CFAP77: variants seen among roughly 807,000 people sequenced by gnomAD.
CFAP77 encodes cilia and flagella associated protein 77, also known as cilia- and flagella-associated protein 77.
CFAP77 carries 25 observed loss-of-function variants against 31.1 expected under a neutral mutation model. The observed-to-expected ratio is 0.80, with a 90% CI of 0.59 to 1.12. CFAP77 has a LOEUF of 1.12. CFAP77 is among the 50% of genes most tolerant of loss of function. CFAP77 has a pLI of 0.00. For missense variants in CFAP77, 377 were observed against 397.3 expected (o/e 0.95, Z 0.44); for synonymous variants, 151 against 159.9 (o/e 0.94, Z 0.42).
At chr9:132,538,470 G>A (rs1014607724) in intron 4 of CFAP77, among the ~76,000 whole-genome samples, 4 of 152,218 alleles carry the variant, frequency 2.6e-5, no homozygotes, top group Non-Finnish European at 4.4e-5. Flanking sequence ...TTAATTCTTC[G>A]TTTGTGTTGT....
At position 132,458,355 on chromosome 9, in the gene CFAP77, G is replaced by GC. The variant is rs1328332754; in HGVS notation, c.196-40340_196-40339insC. ...TTGTCTCCCTGGCGGGGGAGGGGGG[G>GC]GGGTGTGTATGGAAGGCTCAGCTCA... On this transcript the variant is annotated intron_variant, in intron 1 of 5. Coordinates refer to ENST00000393216, the MANE Select transcript of CFAP77 (RefSeq NM_001282957.2). Among the ~76,000 whole-genome samples the GC allele has an allele frequency of 5.5e-4, 74 of 133,814 alleles. 1 individual carries two copies. In the East Asian group the frequency reaches 9.8e-3, roughly 18 times the overall value. 87.8% of individuals were successfully genotyped at this position (133,814 alleles called of 152,430 possible).
intron 3 of CFAP77, among the ~76,000 whole-genome samples, chr9:132,529,641 A>G (rs898278204): frequency 6.6e-6 from 1 of 151,814 alleles, no homozygotes; most frequent in African/African-American, 2.4e-5. Context: ...CCTGGCTAAC[A>G]CGGTGAAACC....
In CFAP77 at chr9:132,438,543, T is replaced by TATATATA. The variant is rs1564204145; in HGVS notation, c.195+28077_195+28078insATATATA. On this transcript the variant is annotated intron_variant, in intron 1 of 5. Transcript: ENST00000393216. ...GGTATATATATATATATATATATATTTTTTTTTTTTTTTTTAGACAGGGTC... is the reference window on the plus strand; with the variant it reads ...GGTATATATATATATATATATATATTATATATATTTTTTTTTTTTTTTAGACAGGGTC... Among the ~76,000 whole-genome samples, 250 of 88,216 alleles carry TATATATA rather than the reference T, an allele frequency of 2.8e-3. 2 individuals are homozygous for TATATATA. The highest frequency in any genetic ancestry group is 0.01 in the East Asian group (30 of 2,998). The allele number at this position is 88,216 out of a possible 152,430, so 57.9% of individuals were successfully genotyped here.
intron 1 of CFAP77, among the ~76,000 whole-genome samples, chr9:132,477,136 C>T (rs1203596685): frequency 6.6e-6 from 1 of 152,166 alleles, no homozygotes; most frequent in Non-Finnish European, 1.5e-5. Context: ...GCCTGGGAGG[C>T]ACCAACAGTG....
chr9:132,412,594 T>G (rs78761684), intron 1 of CFAP77, among the ~76,000 whole-genome samples: 10 of 151,204 alleles, frequency 6.6e-5, no homozygotes, highest in South Asian at 2.1e-4. Flanking sequence ...TTTTTTTGGG[T>G]TTTTTTGTTT....
chr9:132,428,819 C>CT (rs1453976954), intron 1 of CFAP77, among the ~76,000 whole-genome samples: 1 of 152,040 alleles, frequency 6.6e-6, no homozygotes, highest in South Asian at 2.1e-4. Flanking sequence ...AAGACCCCCC[C>CT]CTGCTCTGCG....
At chr9:132,523,663 G>A (rs1343400876) in intron 3 of CFAP77, among the ~76,000 whole-genome samples, 1 of 152,236 alleles carries the variant, frequency 6.6e-6, no homozygotes, top group Non-Finnish European at 1.5e-5. Flanking sequence ...CCTGCTCTAA[G>A]GGTTGACTTC....
intron 4 of CFAP77, among the ~76,000 whole-genome samples, chr9:132,541,541 C>G (rs1484117480): frequency 2.0e-5 from 3 of 152,130 alleles, no homozygotes; most frequent in Non-Finnish European, 2.9e-5. Context: ...CTGGCCAACA[C>G]GGCAAAACCC....
chr9:132,486,278 G>C (rs907754767), intron 1 of CFAP77, among the ~76,000 whole-genome samples: 44 of 150,420 alleles, frequency 2.9e-4, no homozygotes, highest in African/African-American at 1.0e-3. Flanking sequence ...ATTTTTAATA[G>C]AGATGGCGTT....
At chr9:132,467,244 G>A (rs1180880234) in intron 1 of CFAP77, among the ~76,000 whole-genome samples, 7 of 152,206 alleles carry the variant, frequency 4.6e-5, no homozygotes, top group South Asian at 4.2e-4. Context: ...AGGGTGTGCC[G>A]TTCCACAGTG....
rs1408282481 is a variant in CFAP77 at position 132,480,705 on chromosome 9, G to T, written c.196-17990G>T. Among the ~76,000 whole-genome samples, 1 of 152,208 alleles carries T rather than the reference G, an allele frequency of 6.6e-6. No individual in the cohort carries two copies. The highest frequency in any genetic ancestry group is 1.9e-4 in the East Asian group (1 of 5,174). The stretch of plus-strand genomic sequence containing the variant: ...CTCACGGAGGCTACAGAGTCCGGGG[G>T]CTTCTCCAAGGTGGTGACATTTCAG... On this transcript the variant is annotated intron_variant, in intron 1 of 5. Coordinates refer to ENST00000393216, the MANE Select transcript of CFAP77 (RefSeq NM_001282957.2). The surrounding 1 kb of genome is among the most constrained non-coding windows in gnomAD (Gnocchi z 5.8).
intron 3 of CFAP77, among the ~76,000 whole-genome samples, chr9:132,516,077 C>A (rs773435931): frequency 3.4e-4 from 51 of 152,140 alleles, no homozygotes; most frequent in Non-Finnish European, 6.6e-4. Context: ...GGGGCACATA[C>A]CTGGTCTAAA....
intron 5 of CFAP77, among the ~76,000 whole-genome samples, chr9:132,556,832 C>T (rs181598260): frequency 2.6e-5 from 4 of 152,364 alleles, no homozygotes; most frequent in Admixed American, 2.6e-4. Context: ...GGCGCGCTAA[C>T]GATTCCCCAG....
chr9:132,496,503 G>A (rs867686511), intron 1 of CFAP77, among the ~76,000 whole-genome samples: 4 of 152,104 alleles, frequency 2.6e-5, no homozygotes, highest in Admixed American at 2.0e-4. Context: ...CATTCCATCC[G>A]ACCTGTCCCC....
At chr9:132,559,346 C>CAAAAGAAAAAAAAAAAAAAA (rs1852958057) in intron 5 of CFAP77, among the ~76,000 whole-genome samples, 1 of 56,082 alleles carries the variant, frequency 1.8e-5, no homozygotes, top group Non-Finnish European at 3.2e-5. Flanking sequence ...CTCTGTCTTG[C>CAAAAGAAAAAAAAAAAAAAA]AAAAAAAAAA....
intron 1 of CFAP77, among the ~76,000 whole-genome samples, chr9:132,485,656 T>G (rs2118917368): frequency 6.6e-6 from 1 of 152,192 alleles, no homozygotes; most frequent in East Asian, 1.9e-4. Context: ...CCCCACACAG[T>G]GGATAACCCA....
In CFAP77 at chr9:132,410,361, GC is replaced by G. The variant is rs762974713; in HGVS notation, c.95del (p.Pro32ArgfsTer5). ...GCCGCACGGTCAGCCAGGTCTGCCC[GC>G]CCCCGCGGCGGCCCCTGACCGTGGC... ...VRRTVSQVCP[P>X]PRRPLTVADI... On this transcript the variant is annotated frameshift_variant, in exon 1 of 6. Transcript: ENST00000393216. LOFTEE classifies it high-confidence loss of function. 1.9e-6 allele frequency: 3 copies of G among 1,597,928 alleles called. No homozygotes were observed. Among genetic ancestry groups the G allele is most frequent in the South Asian group, 2.2e-5 (2 of 89,494 alleles).
intron 1 of CFAP77, among the ~76,000 whole-genome samples, chr9:132,446,135 G>T (rs927346958): frequency 6.6e-6 from 1 of 152,016 alleles, no homozygotes; most frequent in Non-Finnish European, 1.5e-5. Context: ...TCAGGATCTA[G>T]GTTTGCTCAC....
intron 1 of CFAP77, among the ~76,000 whole-genome samples, chr9:132,423,764 G>C (rs1850266188): frequency 6.6e-6 from 1 of 152,242 alleles, no homozygotes; most frequent in Non-Finnish European, 1.5e-5. Context: ...GAAAGGCTCA[G>C]AAACATGCCC....
Sources: allele counts gnomAD v4.1 joint callset (sites outside exome capture counted in the v4.1 genomes callset), GRCh38; gene constraint gnomAD v4.1.1; non-coding constraint Gnocchi (gnomAD v3.1); transcripts MANE v1.5; gene names NCBI Gene and HGNC (gene_info 2026-07-23, HGNC 2026-07-21).